The following SLC25A21 variants were observed in gnomAD, a reference collection of about 807,000 sequenced individuals.
The protein encoded by SLC25A21 is solute carrier family 25 member 21.
Under a neutral mutation model 43.8 loss-of-function variants are expected in SLC25A21, and 47 were observed. The observed-to-expected ratio is 1.07, with a 90% CI of 0.85 to 1.37. The LOEUF is 1.37. Among genes scored for constraint, SLC25A21 ranks in the 40% most tolerant of loss-of-function variants. SLC25A21 has a pLI of 0.00. For synonymous variants in SLC25A21, 131 were observed against 121.3 expected (o/e 1.08, Z -0.52); for missense variants, 352 against 350.2 (o/e 1.00, Z -0.04).
At chr14:36,706,245 T>A (rs1883559670) in intron 7 of SLC25A21, among the ~76,000 whole-genome samples, 1 of 152,210 alleles carries the variant, frequency 6.6e-6, no homozygotes, top group South Asian at 2.1e-4. Context: ...ACCATCTCAC[T>A]TCACACTTTT....
At chr14:36,919,396 T>C (rs1891915439) in intron 1 of SLC25A21, among the ~76,000 whole-genome samples, 1 of 152,098 alleles carries the variant, frequency 6.6e-6, no homozygotes, top group South Asian at 2.1e-4. Flanking sequence ...TAAGCCATTT[T>C]AACCTTTGTG....
At chr14:36,771,047 C>T (rs1886600250) in intron 3 of SLC25A21, among the ~76,000 whole-genome samples, 1 of 145,726 alleles carries the variant, frequency 6.9e-6, no homozygotes, top group Non-Finnish European at 1.5e-5. Flanking sequence ...AGTACAGTAA[C>T]TGATATGTCA....
At chr14:37,137,574 T>G (rs531141042) in intron 1 of SLC25A21, among the ~76,000 whole-genome samples, 1 of 152,304 alleles carries the variant, frequency 6.6e-6, no homozygotes, top group Admixed American at 6.5e-5. Flanking sequence ...TAAGAAAACC[T>G]CCGTTAGTAG....
At chr14:36,864,705 G>A (rs1890163993) in intron 2 of SLC25A21, among the ~76,000 whole-genome samples, 1 of 152,140 alleles carries the variant, frequency 6.6e-6, no homozygotes, top group Non-Finnish European at 1.5e-5. Context: ...TTAAAATACA[G>A]TTTATAAAAC....
intron 2 of SLC25A21, among the ~76,000 whole-genome samples, chr14:36,816,286 T>C (rs558463837): frequency 5.0e-4 from 76 of 152,072 alleles, no homozygotes; most frequent in Non-Finnish European, 1.0e-3. Flanking sequence ...GCAATAAAAA[T>C]CTCTAAATGA....
intron 3 of SLC25A21, among the ~76,000 whole-genome samples, chr14:36,769,625 T>C (rs1886544163): frequency 6.6e-6 from 1 of 152,220 alleles, no homozygotes; most frequent in Non-Finnish European, 1.5e-5. Context: ...GTGGTGCATG[T>C]TTACATTTTT....
intron 1 of SLC25A21, among the ~76,000 whole-genome samples, chr14:37,141,213 G>A (rs373789959): frequency 6.6e-6 from 1 of 152,222 alleles, no homozygotes; most frequent in East Asian, 1.9e-4. Context: ...AGAAATTCAA[G>A]CTTTTTTATA....
Position 36,680,519 on chromosome 14 carries a change from A to AAAG in SLC25A21, c.*136_*138dup. The AAAG allele has an allele frequency of 5.3e-6, 7 of 1,315,306 alleles. No individual in the cohort carries two copies. The South Asian group carries it at 1.7e-4, about 32-fold the overall frequency. 81.5% of individuals were successfully genotyped at this position (1,315,306 alleles called of 1,614,324 possible). ...CTCAAGTTGCCTATAGACATTTTTT[A>AAAG]AAGTATTAAAATAGATTTTGTTCTT... On this transcript the variant is annotated 3_prime_UTR_variant, in exon 10 of 10. Coordinates refer to ENST00000331299, the MANE Select transcript of SLC25A21 (RefSeq NM_030631.4).
intron 1 of SLC25A21, among the ~76,000 whole-genome samples, chr14:37,010,248 T>A (rs1960701416): frequency 6.6e-6 from 1 of 152,230 alleles, no homozygotes; most frequent in South Asian, 2.1e-4. Flanking sequence ...CTTGTGTGCT[T>A]CAGTCCATGA....
At chr14:37,060,381 A>C (rs778813697) in intron 1 of SLC25A21, among the ~76,000 whole-genome samples, 1 of 84,962 alleles carries the variant, frequency 1.2e-5, no homozygotes, top group Non-Finnish European at 2.2e-5. Context: ...TCTACTCTCT[A>C]ATAATAATAA....
At chr14:36,752,678 C>A (rs1384582351) in intron 3 of SLC25A21, among the ~76,000 whole-genome samples, 2 of 152,204 alleles carry the variant, frequency 1.3e-5, no homozygotes, top group African/African-American at 4.8e-5. Context: ...CCACCCAAAT[C>A]TCATCTTGAA....
chr14:36,772,784 T>A lies in SLC25A21; in HGVS notation c.204-38211A>T, dbSNP rs74044975. Among the ~76,000 whole-genome samples, 460 of 152,328 alleles carry A rather than the reference T, an allele frequency of 3.0e-3. 3 individuals are homozygous for A. Among genetic ancestry groups the A allele is most frequent in the African/African-American group, 0.01 (435 of 41,562 alleles). ...GAATACCAAGGCTCCCCTGCATAGT[T>A]CTCTGGCAGTTCAGTGTTACATAAT... On this transcript the variant is annotated intron_variant, in intron 3 of 9. Transcript: ENST00000331299.
At chr14:36,969,997 A>G (rs1382994793) in intron 1 of SLC25A21, among the ~76,000 whole-genome samples, 2 of 152,160 alleles carry the variant, frequency 1.3e-5, no homozygotes, top group African/African-American at 4.8e-5. Context: ...TTAAACAAAG[A>G]CCCAGATAAA....
At chr14:36,704,610 T>C (rs1465793039) in intron 7 of SLC25A21, among the ~76,000 whole-genome samples, 1 of 139,398 alleles carries the variant, frequency 7.2e-6, no homozygotes, top group South Asian at 2.2e-4. Context: ...TGAGCCAAGA[T>C]AGTGCCACTG....
chr14:36,896,219 T>A (rs1891234083), intron 1 of SLC25A21, among the ~76,000 whole-genome samples: 1 of 152,228 alleles, frequency 6.6e-6, no homozygotes, highest in African/African-American at 2.4e-5. Context: ...TGAATCTGGG[T>A]GCTCCTGTAT....
At chr14:37,158,900 A>G (rs1343174734) in intron 1 of SLC25A21, among the ~76,000 whole-genome samples, 2 of 152,204 alleles carry the variant, frequency 1.3e-5, no homozygotes, top group Admixed American at 1.3e-4. Flanking sequence ...AGGATACAAA[A>G]CCAACATACA....
At chr14:36,749,118 G>A (rs1032166689) in intron 3 of SLC25A21, among the ~76,000 whole-genome samples, 14 of 152,186 alleles carry the variant, frequency 9.2e-5, no homozygotes, top group African/African-American at 3.4e-4. Context: ...GCTGTTTTCT[G>A]TACCTGTCTT....
chr14:36,865,524 A>T (rs140001447), intron 2 of SLC25A21, among the ~76,000 whole-genome samples: 275 of 152,108 alleles, frequency 1.8e-3, no homozygotes, highest in African/African-American at 5.5e-3. Flanking sequence ...ACTTCCACTC[A>T]CGGTGAACAA....
intron 7 of SLC25A21, among the ~76,000 whole-genome samples, chr14:36,698,101 CAGG>C (rs1883119027): frequency 1.3e-5 from 2 of 152,122 alleles, no homozygotes. Flanking sequence ...TCTTGTAAGG[CAGG>C]CCTGGTGGTG....
Sources: gnomAD v4.1 joint callset for allele counts (sites outside exome capture counted in the v4.1 genomes callset) on GRCh38, gnomAD v4.1.1 for gene constraint, MANE v1.5 for transcripts, NCBI Gene and HGNC (gene_info 2026-07-23, HGNC 2026-07-21) for gene names.